The following IMMP2L variants were observed in gnomAD, a reference collection of about 807,000 sequenced individuals.
IMMP2L encodes mitochondrial inner membrane protease subunit 2.
IMMP2L carries 18 observed loss-of-function variants against 19.3 expected under a neutral mutation model. That is an observed-to-expected ratio of 0.93 (90% CI 0.64 to 1.38). IMMP2L has a LOEUF of 1.38. Among genes scored for constraint, IMMP2L ranks in the 40% most tolerant of loss-of-function variants. The pLI is 0.00. For synonymous variants in IMMP2L, 76 were observed against 73.0 expected, an observed-to-expected ratio of 1.04 and a Z score of -0.21; for missense variants, 233 against 218.2, an observed-to-expected ratio of 1.07 and a Z score of -0.43.
chr7:110,825,152 G>A (rs558528367), intron 5 of IMMP2L, among the ~76,000 whole-genome samples: 2 of 152,068 alleles, frequency 1.3e-5, no homozygotes, highest in Admixed American at 6.6e-5. Context: ...CCTCCTCAAG[G>A]AGAACTAAAA....
intron 3 of IMMP2L, among the ~76,000 whole-genome samples, chr7:111,146,406 C>T (rs917286905): frequency 6.6e-6 from 1 of 151,794 alleles, no homozygotes; most frequent in African/African-American, 2.4e-5. Flanking sequence ...CTCTCTAATC[C>T]AAGAAAAACA....
At chr7:111,243,167 T>C (rs1301528205) in intron 3 of IMMP2L, among the ~76,000 whole-genome samples, 1 of 152,084 alleles carries the variant, frequency 6.6e-6, no homozygotes, top group Admixed American at 6.6e-5. Flanking sequence ...TGGCATGACG[T>C]TGCCTTGCTC....
At chr7:111,111,299 TAAAAAAAAAAA>T (rs751990466) in intron 3 of IMMP2L, among the ~76,000 whole-genome samples, 2 of 92,282 alleles carry the variant, frequency 2.2e-5, no homozygotes, top group African/African-American at 7.7e-5. Context: ...GTAGCAGTTG[TAAAAAAAAAAA>T]AAAAAAAAAA....
intron 3 of IMMP2L, among the ~76,000 whole-genome samples, chr7:111,218,259 T>C (rs745537958): frequency 4.6e-5 from 7 of 152,116 alleles, no homozygotes; most frequent in Non-Finnish European, 8.8e-5. Flanking sequence ...ACCAAGGTTT[T>C]ACAAGTCTTA....
rs551332984 is a variant in IMMP2L, at chr7:111,417,317, G to C, written c.239+69921C>G. Among the ~76,000 whole-genome samples, 50 of 151,882 alleles carry C rather than the reference G, an allele frequency of 3.3e-4. 1 individual carries two copies. The South Asian group carries it at 0.01, about 32-fold the overall frequency. ...TCTTCTCCACCAATCTCCTGTTGTCGGGTGGAGGGCGTCACAGTGAGCAAC... is the reference window on the plus strand; with the variant it reads ...TCTTCTCCACCAATCTCCTGTTGTCCGGTGGAGGGCGTCACAGTGAGCAAC... On this transcript the variant is annotated intron_variant, in intron 3 of 5. Transcript: ENST00000405709.
At chr7:111,100,250 C>A (rs908492753) in intron 3 of IMMP2L, among the ~76,000 whole-genome samples, 2 of 151,340 alleles carry the variant, frequency 1.3e-5, no homozygotes, top group African/African-American at 4.8e-5. Context: ...GTACACTGTA[C>A]CCAATGCCTT....
chr7:111,483,177 T>C (rs1842341314), intron 3 of IMMP2L, among the ~76,000 whole-genome samples: 1 of 152,196 alleles, frequency 6.6e-6, no homozygotes, highest in Non-Finnish European at 1.5e-5. Flanking sequence ...CTCTCTACAC[T>C]ATTTTTGCAA....
chr7:111,366,577 T>C (rs557511749), intron 3 of IMMP2L, among the ~76,000 whole-genome samples: 88 of 152,020 alleles, frequency 5.8e-4, no homozygotes, highest in Middle Eastern at 3.4e-3. Flanking sequence ...CAAATATGAA[T>C]GGTAAGTTAG....
intron 1 of IMMP2L, among the ~76,000 whole-genome samples, chr7:111,537,406 CCTAA>C (rs1847981522): frequency 2.0e-5 from 3 of 152,010 alleles, no homozygotes; most frequent in South Asian, 2.1e-4. Context: ...TAGAAATCAT[CCTAA>C]CTTTCTCTTA....
Position 110,834,160 on chromosome 7 carries a change from T to A in IMMP2L, c.408+52433A>T, listed in dbSNP as rs541643331. On this transcript the variant is annotated intron_variant, in intron 5 of 5. Coordinates refer to ENST00000405709, the MANE Select transcript of IMMP2L (RefSeq NM_032549.4). ...TTTATTGTAATTTATTTTTAAAGCT[T>A]CTTCAAATATTCTTTATGAATAATA... is the stretch of plus-strand genomic sequence containing the variant. 4.6e-5 allele frequency among the ~76,000 whole-genome samples: 7 copies of A among 152,296 alleles called. No homozygotes were observed. The East Asian group carries it at 1.4e-3, about 29-fold the overall frequency.
At chr7:111,199,635 A>C (rs1325469235) in intron 3 of IMMP2L, among the ~76,000 whole-genome samples, 1 of 152,210 alleles carries the variant, frequency 6.6e-6, no homozygotes, top group African/African-American at 2.4e-5. Context: ...CAATTAGAAG[A>C]AGCATAAGCT....
chr7:110,706,423 G>A (rs1794685025), intron 5 of IMMP2L, among the ~76,000 whole-genome samples: 1 of 152,268 alleles, frequency 6.6e-6, no homozygotes, highest in East Asian at 1.9e-4. Flanking sequence ...AGTTCTTTGA[G>A]AAATATCCAA....
At chr7:111,156,585 C>CAA (rs1178467553) in intron 3 of IMMP2L, among the ~76,000 whole-genome samples, 1 of 152,088 alleles carries the variant, frequency 6.6e-6, no homozygotes, top group Non-Finnish European at 1.5e-5. Context: ...TTCATAAACA[C>CAA]ATGATATATC....
intron 3 of IMMP2L, chr7:111,122,927 C>A: frequency 6.2e-7 from 1 of 1,614,020 alleles, no homozygotes; most frequent in Non-Finnish European, 8.5e-7. Context: ...GAAGCATCTA[C>A]AGTGGATTGT....
intron 5 of IMMP2L, among the ~76,000 whole-genome samples, chr7:110,831,697 T>C (rs1243557613): frequency 1.3e-5 from 2 of 152,122 alleles, no homozygotes; most frequent in Non-Finnish European, 2.9e-5. Context: ...AGTATAAAAA[T>C]AACCATGCAC....
At chr7:110,982,623 A>T (rs1477182262) in intron 3 of IMMP2L, among the ~76,000 whole-genome samples, 1 of 152,098 alleles carries the variant, frequency 6.6e-6, no homozygotes, top group East Asian at 1.9e-4. Flanking sequence ...GAACTATCTA[A>T]AAAGACTCCA....
intron 3 of IMMP2L, among the ~76,000 whole-genome samples, chr7:111,205,152 A>G (rs981613978): frequency 6.6e-6 from 1 of 152,152 alleles, no homozygotes; most frequent in Non-Finnish European, 1.5e-5. Context: ...CAGAGGTGGA[A>G]AGCCAAAAAC....
chr7:111,038,106 A>AT (rs1229392032), intron 3 of IMMP2L, among the ~76,000 whole-genome samples: 2 of 152,154 alleles, frequency 1.3e-5, no homozygotes, highest in Non-Finnish European at 2.9e-5. Context: ...AAGTTAAAAT[A>AT]TTTTCTCATA....
At chr7:111,389,198 A>C (rs1832091023) in intron 3 of IMMP2L, among the ~76,000 whole-genome samples, 1 of 152,156 alleles carries the variant, frequency 6.6e-6, no homozygotes, top group Non-Finnish European at 1.5e-5. Context: ...ACATCAGATA[A>C]ACCCAAGTAG....
Sources: allele counts gnomAD v4.1 joint callset (sites outside exome capture counted in the v4.1 genomes callset), GRCh38; gene constraint gnomAD v4.1.1; transcripts MANE v1.5; gene names NCBI Gene and HGNC (gene_info 2026-07-23, HGNC 2026-07-21).